Variants in MALT1 observed in about 807,000 individuals in gnomAD.
The protein encoded by MALT1 is MALT1 paracaspase.
A neutral mutation model predicts 85.5 loss-of-function variants in MALT1; 36 were observed. The ratio of observed to expected loss-of-function variants is 0.42; its 90% CI spans 0.32 to 0.56. The LOEUF is 0.56. Among genes scored for constraint, MALT1 ranks in the 20% least tolerant of loss-of-function variants. The probability of loss-of-function intolerance (pLI) is 0.10; values close to 1 mark genes in which losing one functional copy is unlikely to be tolerated. For missense variants in MALT1, 716 were observed against 981.6 expected, an observed-to-expected ratio of 0.73 and a Z score of 3.62; for synonymous variants, 359 against 361.3, an observed-to-expected ratio of 0.99 and a Z score of 0.07.
At chr18:58,683,863 T>G (rs2054358238) in intron 2 of MALT1, among the ~76,000 whole-genome samples, 1 of 152,214 alleles carries the variant, frequency 6.6e-6, no homozygotes, top group African/African-American at 2.4e-5. Flanking sequence ...GTTTATTTTT[T>G]TCTTTTTGTT....
Position 58,745,734 on chromosome 18 carries a change from A to C in MALT1, c.1980A>C (p.Ser660=), listed in dbSNP as rs143922859. 1 of 1,613,778 alleles carries C rather than the reference A, an allele frequency of 6.2e-7. No individual in the cohort carries two copies. Among genetic ancestry groups the C allele is most frequent in the South Asian group, 1.1e-5 (1 of 91,066 alleles). ...TPEETGSYLV[S]KDLPKHCLYT... ...AAGAAACTGGCAGCTACTTGGTATCAAAGGATCTTCCCAAGCATTGCCTCT... is the reference window on the plus strand; with the variant it reads ...AAGAAACTGGCAGCTACTTGGTATCCAAGGATCTTCCCAAGCATTGCCTCT... The change falls in exon 16 of 17, where the codon TCA becomes TCC. Residue 660 remains serine (S), a synonymous_variant. Transcript: ENST00000649217.
At chr18:58,702,518 A>G (rs2054688131) in intron 4 of MALT1, among the ~76,000 whole-genome samples, 1 of 152,238 alleles carries the variant, frequency 6.6e-6, no homozygotes, top group Non-Finnish European at 1.5e-5. Flanking sequence ...AGCATTTGAG[A>G]CCTGATAGTC....
At chr18:58,696,338 T>TG in intron 2 of MALT1, 28 bp from the exon 3 acceptor site, 1 of 210,110 alleles carries the variant, frequency 4.8e-6, no homozygotes, top group Non-Finnish European at 6.6e-6. Context: ...GTGACTTTAA[T>TG]TTTTTTTTTT....
intron 13 of MALT1, among the ~76,000 whole-genome samples, chr18:58,738,433 C>G (rs1218757282): frequency 1.3e-5 from 2 of 152,120 alleles, no homozygotes; most frequent in Non-Finnish European, 2.9e-5. Flanking sequence ...GCTATGTTAA[C>G]AGTGCTATCA....
intron 4 of MALT1, among the ~76,000 whole-genome samples, chr18:58,701,891 A>G (rs566463987): frequency 6.6e-6 from 1 of 152,338 alleles, no homozygotes; most frequent in African/African-American, 2.4e-5. Context: ...TCAATAACCA[A>G]TAGCACTCAG....
chr18:58,675,721 G>A (rs1407070808), intron 1 of MALT1, among the ~76,000 whole-genome samples: 1 of 152,030 alleles, frequency 6.6e-6, no homozygotes, highest in Non-Finnish European at 1.5e-5. Flanking sequence ...TTTCCTTCTC[G>A]CCCTCTTGGT....
rs2054192408 is a variant in MALT1, at chr18:58,673,209, CTTA to C, written c.209+1363_209+1365del. On this transcript the variant is annotated intron_variant, in intron 1 of 16. Transcript: ENST00000649217. ...CATTCAAAATGGTATTTATTAAGTG[CTTA>C]TTATTTGCTAGAAATTTTAGAAGAT... Among the ~76,000 whole-genome samples the C allele has an allele frequency of 2.6e-5, 4 of 152,222 alleles. No homozygotes were observed. The South Asian group carries it at 6.2e-4, about 24-fold the overall frequency.
chr18:58,688,064 A>T (rs565193947), intron 2 of MALT1, among the ~76,000 whole-genome samples: 17 of 152,226 alleles, frequency 1.1e-4, no homozygotes, highest in African/African-American at 4.1e-4. Context: ...ACTATACCAT[A>T]TTCTTTTTTT....
At position 58,741,877 on chromosome 18, in the gene MALT1, G is replaced by T. The variant is rs1414244320; in HGVS notation, c.1616G>T (p.Cys539Phe). The change falls in exon 14 of 17, where the codon TGT (cysteine) becomes TTT (phenylalanine). Residue 539 changes from cysteine to phenylalanine, a missense_variant. Cys to Phe is a radical substitution (Grantham distance 205). Transcript: ENST00000649217. ...LDEVAEDMGKCHLTKGKQALE... is the reference protein window; with the variant it reads ...LDEVAEDMGKFHLTKGKQALE... The stretch of plus-strand genomic sequence containing the variant: ...TCATATCTTTTAGATATGGGTAAGT[G>T]TCACCTTACCAAAGGCAAACAGGCT... 1 of 1,521,720 alleles carries T rather than the reference G, an allele frequency of 6.6e-7. No homozygotes were observed. The highest frequency in any genetic ancestry group is 9.0e-7 in the Non-Finnish European group (1 of 1,115,272). The allele number at this position is 1,521,720 out of a possible 1,614,324, so 94.3% of individuals were successfully genotyped here.
chr18:58,682,778 A>G (rs984200753), intron 2 of MALT1, among the ~76,000 whole-genome samples: 1 of 152,214 alleles, frequency 6.6e-6, no homozygotes, highest in African/African-American at 2.4e-5. Flanking sequence ...TTTACTACAA[A>G]TGGAAAGGGC....
chr18:58,686,751 A>G (rs1351083714), intron 2 of MALT1, among the ~76,000 whole-genome samples: 1 of 151,908 alleles, frequency 6.6e-6, no homozygotes, highest in Non-Finnish European at 1.5e-5. Context: ...TTATTACTTT[A>G]TCTCTAAAAT....
intron 13 of MALT1, among the ~76,000 whole-genome samples, chr18:58,740,277 C>A (rs2055283960): frequency 1.3e-5 from 2 of 152,152 alleles, no homozygotes; most frequent in South Asian, 2.1e-4. Flanking sequence ...TTTTGAAGAA[C>A]CAATCTTTGA....
chr18:58,706,086 C>G (rs982000415), intron 4 of MALT1, among the ~76,000 whole-genome samples: 1 of 151,866 alleles, frequency 6.6e-6, no homozygotes, highest in African/African-American at 2.4e-5. Flanking sequence ...CCTGAGTTCA[C>G]GCCATTCTCC....
intron 13 of MALT1, among the ~76,000 whole-genome samples, chr18:58,738,615 C>T (rs769595831): frequency 8.5e-5 from 13 of 152,194 alleles, no homozygotes; most frequent in Non-Finnish European, 1.2e-4. Flanking sequence ...CTACTCCCCA[C>T]GGCCAGCAAG....
At chr18:58,695,929 C>T (rs939427603) in intron 2 of MALT1, among the ~76,000 whole-genome samples, 11 of 152,176 alleles carry the variant, frequency 7.2e-5, no homozygotes, top group East Asian at 1.9e-4. Flanking sequence ...TAACAGTGCA[C>T]GTAACTTGAC....
Position 58,747,480 on chromosome 18 carries a change from G to T in MALT1, c.2113G>T (p.Val705Leu), listed in dbSNP as rs1389798471. 6.2e-7 allele frequency: 1 copy of T among 1,613,998 alleles called. No individual in the cohort carries two copies. Among genetic ancestry groups the T allele is most frequent in the Admixed American group, 1.7e-5 (1 of 60,030 alleles). The change falls in exon 17 of 17, where the codon GTG becomes TTG. Residue 705 changes from valine to leucine, a missense_variant. By Grantham distance (32) the Val-to-Leu change is conservative. Around this residue, in one of 4 missense-constraint regions of MALT1, gnomAD observed 260 missense variants for 323.7 expected, o/e 0.80. Transcript: ENST00000649217. ...AGATACTGTAGAGGACAAGCAGGAA[G>T]TGAATGTTGGGAAACCTCTCATTGC... is the stretch of plus-strand genomic sequence containing the variant. Reference protein sequence around the residue: ...LEDTVEDKQEVNVGKPLIAKL... With the variant: ...LEDTVEDKQELNVGKPLIAKL...
chr18:58,732,011 C>T (rs575674136), intron 10 of MALT1, among the ~76,000 whole-genome samples: 34 of 152,230 alleles, frequency 2.2e-4, no homozygotes, highest in African/African-American at 7.5e-4. Flanking sequence ...AAAAAGCAGA[C>T]GACCTGGATT....
intron 1 of MALT1, among the ~76,000 whole-genome samples, chr18:58,674,645 A>G (rs1194467857): frequency 1.3e-5 from 2 of 152,188 alleles, no homozygotes; most frequent in African/African-American, 4.8e-5. Context: ...TTAAGACAAA[A>G]AAGTTATTGT....
chr18:58,731,298 A>G (rs993379335), intron 10 of MALT1, among the ~76,000 whole-genome samples: 13 of 152,172 alleles, frequency 8.5e-5, no homozygotes, highest in Admixed American at 2.6e-4. Context: ...TTTATTCTGG[A>G]TACAAGCTGT....
Sources: allele counts gnomAD v4.1 joint callset (sites outside exome capture counted in the v4.1 genomes callset), GRCh38; gene constraint gnomAD v4.1.1; regional missense constraint gnomAD v4.1.1; transcripts MANE v1.5; gene names NCBI Gene and HGNC (gene_info 2026-07-23, HGNC 2026-07-21).